Variants in EPHB1 observed in about 807,000 individuals in gnomAD.
The protein encoded by EPHB1 is ephrin type-B receptor 1.
EPHB1 carries 30 observed loss-of-function variants against 94.4 expected under a neutral mutation model. The ratio of observed to expected loss-of-function variants is 0.32; its 90% confidence interval spans 0.24 to 0.43. The LOEUF (loss-of-function observed/expected upper bound fraction) is 0.43. Among genes scored for constraint, EPHB1 ranks in the 20% least tolerant of loss-of-function variants. EPHB1 has a pLI of 1.00. For missense variants in EPHB1, 1,055 were observed against 1,308.3 expected, an observed-to-expected ratio of 0.81 and a Z score of 2.99; for synonymous variants, 522 against 489.1, an observed-to-expected ratio of 1.07 and a Z score of -0.89.
intron 3 of EPHB1, among the ~76,000 whole-genome samples, chr3:135,030,456 G>C (rs1478339663): frequency 6.6e-6 from 1 of 152,204 alleles, no homozygotes; most frequent in Non-Finnish European, 1.5e-5. Context: ...AGGACCCTCA[G>C]CTGCAGGTCT....
At chr3:135,245,805 CAAA>C (rs34702210) in intron 13 of EPHB1, among the ~76,000 whole-genome samples, 3 of 26,780 alleles carry the variant, frequency 1.1e-4, no homozygotes, top group African/African-American at 2.5e-4. Flanking sequence ...GACACCATCT[CAAA>C]AAAAAAAAAA....
intron 1 of EPHB1, among the ~76,000 whole-genome samples, chr3:134,813,820 G>A (rs2036218913): frequency 6.6e-6 from 1 of 152,196 alleles, no homozygotes; most frequent in Non-Finnish European, 1.5e-5. Flanking sequence ...AATCATGGGG[G>A]AGGTGACACA....
intron 3 of EPHB1, among the ~76,000 whole-genome samples, chr3:135,069,869 T>C (rs1576360645): frequency 6.6e-6 from 1 of 151,968 alleles, no homozygotes; most frequent in African/African-American, 2.4e-5. Flanking sequence ...CATCAAGTAG[T>C]GTTTCCCCAA....
chr3:134,892,828 G>A (rs1415235561), intron 1 of EPHB1, among the ~76,000 whole-genome samples: 1 of 151,452 alleles, frequency 6.6e-6, no homozygotes, highest in African/African-American at 2.4e-5. Flanking sequence ...AACTCTTGGT[G>A]TGTAATTTGT....
chr3:135,024,533 G>A (rs1248597553), intron 3 of EPHB1, among the ~76,000 whole-genome samples: 1 of 152,214 alleles, frequency 6.6e-6, no homozygotes, highest in Non-Finnish European at 1.5e-5. Flanking sequence ...AGCCAGAGCA[G>A]AGCACGTGTC....
chr3:135,209,670 A>C (rs1346146278), intron 12 of EPHB1, among the ~76,000 whole-genome samples: 1 of 152,210 alleles, frequency 6.6e-6, no homozygotes, highest in Non-Finnish European at 1.5e-5. Flanking sequence ...CCTTAACAGG[A>C]CATCTCTAGG....
chr3:134,875,737 T>C (rs1180053361), intron 1 of EPHB1, among the ~76,000 whole-genome samples: 3 of 152,224 alleles, frequency 2.0e-5, no homozygotes, highest in Non-Finnish European at 4.4e-5. Flanking sequence ...CCTATTTTTA[T>C]TCCATTTCTC....
intron 10 of EPHB1, among the ~76,000 whole-genome samples, chr3:135,184,820 A>G (rs568200174): frequency 6.6e-6 from 1 of 152,356 alleles, no homozygotes; most frequent in South Asian, 2.1e-4. Context: ...ATCTTCAGAG[A>G]GTACCAGTTT....
At chr3:134,820,610 T>G (rs1487294108) in intron 1 of EPHB1, among the ~76,000 whole-genome samples, 1 of 152,192 alleles carries the variant, frequency 6.6e-6, no homozygotes, top group Non-Finnish European at 1.5e-5. Flanking sequence ...TAATTAGAGC[T>G]CAAGCAATTC....
chr3:134,874,833 G>A (rs892607594), intron 1 of EPHB1, among the ~76,000 whole-genome samples: 4 of 152,196 alleles, frequency 2.6e-5, no homozygotes, highest in African/African-American at 7.2e-5. Flanking sequence ...GTAGTTACCC[G>A]ATGGGCTATT....
At chr3:134,952,302 T>A (rs570626840) in intron 3 of EPHB1, among the ~76,000 whole-genome samples, 37 of 152,192 alleles carry the variant, frequency 2.4e-4, no homozygotes, top group Middle Eastern at 3.4e-3. Flanking sequence ...AATAACTTAA[T>A]AACCAGTCCA....
intron 3 of EPHB1, among the ~76,000 whole-genome samples, chr3:135,034,493 G>T (rs947227650): frequency 2.0e-5 from 3 of 152,280 alleles, no homozygotes; most frequent in Non-Finnish European, 4.4e-5. Flanking sequence ...TCTGTAAACA[G>T]TTTCTGACTG....
chr3:135,244,472 G>A (rs1943872855), intron 13 of EPHB1, among the ~76,000 whole-genome samples: 1 of 152,126 alleles, frequency 6.6e-6, no homozygotes, highest in Non-Finnish European at 1.5e-5. Context: ...ACCAATGAAA[G>A]GAGCCCAGAA....
chr3:134,931,929 A>T (rs114557154), intron 2 of EPHB1, among the ~76,000 whole-genome samples: 57 of 152,166 alleles, frequency 3.7e-4, no homozygotes, highest in African/African-American at 1.3e-3. Context: ...ATGTGTGTAT[A>T]TGTGTATCTG....
intron 3 of EPHB1, among the ~76,000 whole-genome samples, chr3:135,105,317 G>A (rs1490852097): frequency 6.6e-6 from 1 of 152,186 alleles, no homozygotes; most frequent in African/African-American, 2.4e-5. Flanking sequence ...GTTTTCAGCA[G>A]GAACAGTAAA....
At chr3:134,798,347 A>T (rs1353998186) in intron 1 of EPHB1, among the ~76,000 whole-genome samples, 1 of 152,002 alleles carries the variant, frequency 6.6e-6, no homozygotes, top group African/African-American at 2.4e-5. Flanking sequence ...AGGAGGGAGG[A>T]CAGGGTCTGG....
chr3:135,081,882 G>A (rs995344922), intron 3 of EPHB1, among the ~76,000 whole-genome samples: 1 of 152,066 alleles, frequency 6.6e-6, no homozygotes, highest in African/African-American at 2.4e-5. Context: ...AATTTGCTGT[G>A]GGCAGAAAAC....
At chr3:134,897,820 C>G (rs2107688338) in intron 1 of EPHB1, among the ~76,000 whole-genome samples, 1 of 152,170 alleles carries the variant, frequency 6.6e-6, no homozygotes, top group East Asian at 1.9e-4. Context: ...GTCTGCACTC[C>G]CTCCATGGGG....
intron 9 of EPHB1, among the ~76,000 whole-genome samples, chr3:135,173,331 G>A (rs142254406): frequency 6.6e-6 from 1 of 152,184 alleles, no homozygotes; most frequent in African/African-American, 2.4e-5. Flanking sequence ...ACCGCGCCCG[G>A]CCTGAAATAG....
Sources: allele counts gnomAD v4.1 joint callset (sites outside exome capture counted in the v4.1 genomes callset), GRCh38; gene constraint gnomAD v4.1.1; transcripts MANE v1.5; gene names NCBI Gene and HGNC (gene_info 2026-07-23, HGNC 2026-07-21).